SPOCK3: variants seen among roughly 807,000 people sequenced by gnomAD.
SPOCK3 encodes SPARC (osteonectin), cwcv and kazal like domains proteoglycan 3, also known as testican-3.
SPOCK3 carries 30 observed loss-of-function variants against 56.6 expected under a neutral mutation model. The observed-to-expected ratio is 0.53, with a 90% CI of 0.40 to 0.72. The LOEUF is 0.72. Among genes scored for constraint, SPOCK3 ranks in the 30% least tolerant of loss-of-function variants. The pLI is 0.00. For missense variants in SPOCK3, 527 were observed against 530.0 expected (o/e 0.99, Z 0.06); for synonymous variants, 196 against 183.3 (o/e 1.07, Z -0.56).
intron 2 of SPOCK3, chr4:167,083,236 A>T: frequency 1.3e-6 from 1 of 765,376 alleles, no homozygotes; most frequent in South Asian, 1.3e-5. Context: ...CCCAAAGCAA[A>T]CCTCTACTTC....
chr4:167,015,895 C>T, intron 3 of SPOCK3, among the ~76,000 whole-genome samples: 1 of 152,218 alleles, frequency 6.6e-6, no homozygotes, highest in East Asian at 1.9e-4. Flanking sequence ...GCATCTTTAA[C>T]ATTGATCTAT....
chr4:166,945,564 A>C (rs957475978), intron 4 of SPOCK3, among the ~76,000 whole-genome samples: 1 of 152,124 alleles, frequency 6.6e-6, no homozygotes, highest in African/African-American at 2.4e-5. Context: ...CCTGCCACCC[A>C]TCAACATATA....
At chr4:167,035,376 A>G (rs1216517354) in intron 3 of SPOCK3, among the ~76,000 whole-genome samples, 2 of 152,082 alleles carry the variant, frequency 1.3e-5, no homozygotes, top group African/African-American at 2.4e-5. Flanking sequence ...ACAGGTTTAA[A>G]TGTTAGGATA....
At chr4:167,126,053 G>T (rs927637257) in intron 2 of SPOCK3, among the ~76,000 whole-genome samples, 1 of 152,108 alleles carries the variant, frequency 6.6e-6, no homozygotes, top group Non-Finnish European at 1.5e-5. Flanking sequence ...CACAACAGAG[G>T]CTTGAAAATA....
intron 7 of SPOCK3, among the ~76,000 whole-genome samples, chr4:166,766,950 T>G (rs1488812520): frequency 2.0e-5 from 3 of 151,124 alleles, no homozygotes; most frequent in Admixed American, 6.6e-5. Flanking sequence ...TATCCATTTC[T>G]TCTAGATTTT....
chr4:167,183,610 T>C (rs953557816), intron 2 of SPOCK3, among the ~76,000 whole-genome samples: 2 of 152,328 alleles, frequency 1.3e-5, no homozygotes, highest in East Asian at 3.9e-4. Context: ...CCTTGTGATA[T>C]TCATTGATGT....
intron 3 of SPOCK3, among the ~76,000 whole-genome samples, chr4:167,021,671 CTGTCCTAGTAGGT>C (rs1420971238): frequency 6.6e-6 from 1 of 151,940 alleles, no homozygotes; most frequent in Non-Finnish European, 1.5e-5. Context: ...ATTACAGCCA[CTGTCCTAGTAGGT>C]TGCACAGGAG....
chr4:166,880,576 A>G (rs963756426), intron 6 of SPOCK3, among the ~76,000 whole-genome samples: 2 of 152,186 alleles, frequency 1.3e-5, no homozygotes, highest in Non-Finnish European at 2.9e-5. Flanking sequence ...TTGACACCTT[A>G]AAAACACTGT....
At chr4:167,129,392 T>C (rs764651839) in intron 2 of SPOCK3, among the ~76,000 whole-genome samples, 4 of 152,234 alleles carry the variant, frequency 2.6e-5, no homozygotes, top group African/African-American at 4.8e-5. Context: ...CACACTCTTA[T>C]CTGGTGCCCT....
intron 4 of SPOCK3, among the ~76,000 whole-genome samples, chr4:166,938,523 A>G (rs1740702177): frequency 6.6e-6 from 1 of 152,212 alleles, no homozygotes; most frequent in African/African-American, 2.4e-5. Context: ...AGAAAAGCAC[A>G]TAAGTACAAA....
At chr4:167,121,094 T>TA (rs1761828889) in intron 2 of SPOCK3, among the ~76,000 whole-genome samples, 1 of 151,728 alleles carries the variant, frequency 6.6e-6, no homozygotes, top group Non-Finnish European at 1.5e-5. Flanking sequence ...CTAACCTGGG[T>TA]GTTTTTTTAA....
chr4:166,898,110 G>C (rs1175247160), intron 5 of SPOCK3, among the ~76,000 whole-genome samples: 1 of 152,142 alleles, frequency 6.6e-6, no homozygotes, highest in Non-Finnish European at 1.5e-5. Flanking sequence ...TGAGGCAGGA[G>C]GATCACTGAG....
intron 5 of SPOCK3, among the ~76,000 whole-genome samples, chr4:166,900,347 T>C (rs77117107): frequency 0.029 from 4,415 of 152,202 alleles, 185 homozygotes; most frequent in African/African-American, 0.09. Flanking sequence ...GGCATTGGGA[T>C]TGGCTCTTAA....
intron 4 of SPOCK3, among the ~76,000 whole-genome samples, chr4:166,931,013 C>A (rs929880321): frequency 6.6e-6 from 1 of 151,984 alleles, no homozygotes; most frequent in African/African-American, 2.4e-5. Flanking sequence ...GACAGAGTTT[C>A]ACTCTGTCGC....
intron 6 of SPOCK3, chr4:166,883,339 T>A (rs1489715428): frequency 6.6e-6 from 1 of 152,192 alleles, no homozygotes; most frequent in African/African-American, 2.4e-5. Context: ...TGTCATACTG[T>A]AAATAAAAAT....
intron 3 of SPOCK3, among the ~76,000 whole-genome samples, chr4:167,057,255 C>T (rs565929925): frequency 2.6e-5 from 4 of 152,270 alleles, no homozygotes; most frequent in Admixed American, 2.6e-4. Context: ...TTGTCACCAC[C>T]AGGCCTGCCC....
At chr4:167,037,916 TTTTG>T (rs1326624171) in intron 3 of SPOCK3, among the ~76,000 whole-genome samples, 2 of 152,226 alleles carry the variant, frequency 1.3e-5, no homozygotes, top group South Asian at 2.1e-4. Flanking sequence ...TTGTTGTTAC[TTTTG>T]TTTTTGTTTT....
At chr4:166,889,715 TG>T (rs1734572155) in intron 5 of SPOCK3, among the ~76,000 whole-genome samples, 1 of 151,934 alleles carries the variant, frequency 6.6e-6, no homozygotes, top group Non-Finnish European at 1.5e-5. Context: ...GCCAGTGACT[TG>T]CACAGCATCA....
chr4:167,063,718 T>C (rs1755831753), intron 2 of SPOCK3, among the ~76,000 whole-genome samples: 1 of 151,892 alleles, frequency 6.6e-6, no homozygotes, highest in Non-Finnish European at 1.5e-5. Flanking sequence ...TATTTCATAC[T>C]CTATGTCAAT....
Sources: gnomAD v4.1 joint callset for allele counts (sites outside exome capture counted in the v4.1 genomes callset) on GRCh38, gnomAD v4.1.1 for gene constraint, MANE v1.5 for transcripts, NCBI Gene and HGNC (gene_info 2026-07-23, HGNC 2026-07-21) for gene names.